PRKCA: variants seen among roughly 807,000 people sequenced by gnomAD.
PRKCA encodes protein kinase C alpha, also known as protein kinase C alpha type.
In PRKCA, 27 loss-of-function variants were observed where a neutral mutation model predicts 87.0. The ratio of observed to expected loss-of-function variants is 0.31; its 90% confidence interval spans 0.23 to 0.43. The LOEUF (loss-of-function observed/expected upper bound fraction) is 0.43. PRKCA is among the 20% of genes least tolerant of loss of function. The pLI is 1.00. For missense variants in PRKCA, 518 were observed against 852.3 expected, an observed-to-expected ratio of 0.61 and a Z score of 4.88; for synonymous variants, 329 against 311.1, an observed-to-expected ratio of 1.06 and a Z score of -0.61.
chr17:66,366,362 T>C (rs1275671866), intron 2 of PRKCA, among the ~76,000 whole-genome samples: 3 of 152,208 alleles, frequency 2.0e-5, no homozygotes, highest in Non-Finnish European at 4.4e-5. Flanking sequence ...TTTTATTAAT[T>C]ACTCTGTTTT....
chr17:66,659,275 A>G (rs776593104), intron 5 of PRKCA, among the ~76,000 whole-genome samples: 31 of 152,158 alleles, frequency 2.0e-4, no homozygotes, highest in Non-Finnish European at 3.8e-4. Context: ...TGATTTTCAA[A>G]CAAGTTGGAA....
intron 2 of PRKCA, among the ~76,000 whole-genome samples, chr17:66,460,958 C>T (rs1914821201): frequency 6.6e-6 from 1 of 152,138 alleles, no homozygotes; most frequent in Non-Finnish European, 1.5e-5. Flanking sequence ...GTAATCCCAG[C>T]ACTTTGGGAG....
At chr17:66,507,057 C>T (rs986674043) in intron 3 of PRKCA, among the ~76,000 whole-genome samples, 2 of 152,078 alleles carry the variant, frequency 1.3e-5, no homozygotes, top group Admixed American at 6.5e-5. Flanking sequence ...GTTTTTCTTG[C>T]ATTTATTCAT....
chr17:66,571,339 TA>T (rs1969073295), intron 3 of PRKCA, among the ~76,000 whole-genome samples: 1 of 152,244 alleles, frequency 6.6e-6, no homozygotes, highest in East Asian at 1.9e-4. Context: ...TGTTTTTTTT[TA>T]ATCCATATTT....
chr17:66,302,752 G>T lies in PRKCA; in HGVS notation c.-100G>T. On this transcript the variant is annotated 5_prime_UTR_variant, in exon 1 of 17. Coordinates refer to ENST00000413366, the MANE Select transcript of PRKCA (RefSeq NM_002737.3). ...GCCACCGGCCCGCGCCCCGCGCCCG[G>T]GGTCGCCCCGAGCCCGCACCTCTCC... 1.0e-6 allele frequency: 1 copy of T among 976,770 alleles called. No homozygotes were observed. The highest frequency in any genetic ancestry group is 4.7e-5 in the South Asian group (1 of 21,492). The allele number at this position is 976,770 out of a possible 1,614,324, so 60.5% of individuals were successfully genotyped here. A position where few individuals can be genotyped will look rare whatever the true frequency, so the allele number is the denominator to read the frequency against.
intron 3 of PRKCA, among the ~76,000 whole-genome samples, chr17:66,568,271 A>G (rs1188851362): frequency 3.3e-5 from 5 of 152,194 alleles, no homozygotes; most frequent in Non-Finnish European, 7.4e-5. Context: ...CTGAGATGGC[A>G]CCACTGCACT....
At chr17:66,392,140 G>T (rs1169987970) in intron 2 of PRKCA, among the ~76,000 whole-genome samples, 2 of 151,842 alleles carry the variant, frequency 1.3e-5, no homozygotes, top group South Asian at 4.1e-4. Context: ...TGAGGCAGGA[G>T]AATGGTGTGA....
intron 13 of PRKCA, among the ~76,000 whole-genome samples, chr17:66,743,832 G>A (rs185122773): frequency 8.2e-4 from 125 of 152,276 alleles, no homozygotes; most frequent in African/African-American, 2.9e-3. Context: ...AGAGACAGTA[G>A]GGATAGTGAA....
intron 3 of PRKCA, among the ~76,000 whole-genome samples, chr17:66,614,612 G>A (rs1246345712): frequency 6.6e-6 from 1 of 152,112 alleles, no homozygotes; most frequent in Non-Finnish European, 1.5e-5. Flanking sequence ...AACTACATGG[G>A]CCTCAGTTTC....
intron 5 of PRKCA, among the ~76,000 whole-genome samples, chr17:66,663,480 G>A (rs1352077331): frequency 6.6e-6 from 1 of 152,166 alleles, no homozygotes; most frequent in Non-Finnish European, 1.5e-5. Flanking sequence ...AGACCGAGGG[G>A]AAAGATGAGG....
intron 3 of PRKCA, among the ~76,000 whole-genome samples, chr17:66,512,074 C>T (rs1181210156): frequency 6.6e-6 from 1 of 152,154 alleles, no homozygotes; most frequent in East Asian, 1.9e-4. Context: ...TGCCAAATAG[C>T]TTCCTAGCTT....
intron 3 of PRKCA, among the ~76,000 whole-genome samples, chr17:66,614,483 G>T (rs1387323660): frequency 6.6e-6 from 1 of 152,062 alleles, no homozygotes; most frequent in East Asian, 1.9e-4. Context: ...GAATTTGTTG[G>T]TGAGTTCTTA....
intron 2 of PRKCA, among the ~76,000 whole-genome samples, chr17:66,491,305 G>T (rs571300691): frequency 0.39 from 498 of 1,282 alleles, 3 homozygotes; most frequent in Middle Eastern, 0.5. Context: ...AACCAGAGGT[G>T]ACCAAAGTCT....
rs73331495 is a variant in PRKCA at position 66,393,022 on chromosome 17, A to G, written c.205+86895A>G. 2.4e-3 allele frequency among the ~76,000 whole-genome samples: 366 copies of G among 152,184 alleles called. 2 individuals are homozygous for G. Among genetic ancestry groups the G allele is most frequent in the African/African-American group, 8.3e-3 (344 of 41,508 alleles). ...GCATTTTGTTGGCTAAATAGAGGGG[A>G]AATGATGGAAAACAAATACTGAATA... On this transcript the variant is annotated intron_variant, in intron 2 of 16. Coordinates refer to ENST00000413366, the MANE Select transcript of PRKCA (RefSeq NM_002737.3).
chr17:66,506,371 A>G (rs1033732320), intron 3 of PRKCA, among the ~76,000 whole-genome samples: 16 of 152,190 alleles, frequency 1.1e-4, no homozygotes, highest in African/African-American at 3.6e-4. Context: ...TTAAAAAAAA[A>G]GGTCATATTA....
intron 3 of PRKCA, among the ~76,000 whole-genome samples, chr17:66,581,951 G>A (rs1969452375): frequency 6.6e-6 from 1 of 152,118 alleles, no homozygotes; most frequent in South Asian, 2.1e-4. Flanking sequence ...CTATGGGATG[G>A]GGATAAAAGG....
intron 1 of PRKCA, among the ~76,000 whole-genome samples, chr17:66,303,509 G>T (rs1415157726): frequency 2.0e-5 from 3 of 151,704 alleles, no homozygotes; most frequent in African/African-American, 7.3e-5. Flanking sequence ...GGGGTGGGGG[G>T]GTTGTGTTTG....
At chr17:66,739,887 C>T (rs1361221072) in intron 11 of PRKCA, among the ~76,000 whole-genome samples, 3 of 151,896 alleles carry the variant, frequency 2.0e-5, no homozygotes, top group Non-Finnish European at 2.9e-5. Context: ...TCAGTTTTTG[C>T]AGAGCTCTCT....
intron 5 of PRKCA, among the ~76,000 whole-genome samples, chr17:66,656,623 T>G (rs1171156024): frequency 1.3e-5 from 2 of 152,176 alleles, no homozygotes; most frequent in Non-Finnish European, 1.5e-5. Flanking sequence ...GAAACTTTCT[T>G]CTAATGCTTG....
Sources: allele counts gnomAD v4.1 joint callset (sites outside exome capture counted in the v4.1 genomes callset), GRCh38; gene constraint gnomAD v4.1.1; transcripts MANE v1.5; gene names NCBI Gene and HGNC (gene_info 2026-07-23, HGNC 2026-07-21).